The following LPP variants were observed in gnomAD, a reference collection of about 807,000 sequenced individuals.
The protein encoded by LPP is lipoma-preferred partner.
In LPP, 38 loss-of-function variants were observed where a neutral mutation model predicts 60.4. The ratio of observed to expected loss-of-function variants is 0.63; its 90% CI spans 0.49 to 0.83. The LOEUF is 0.83. LPP is among the 40% of genes least tolerant of loss of function. LPP has a pLI of 0.00. For missense variants in LPP, 902 were observed against 783.6 expected, an observed-to-expected ratio of 1.15 and a Z score of -1.80; for synonymous variants, 328 against 290.8, an observed-to-expected ratio of 1.13 and a Z score of -1.30.
chr3:188,387,232 T>C (rs1240398061), intron 3 of LPP, among the ~76,000 whole-genome samples: 1 of 151,998 alleles, frequency 6.6e-6, no homozygotes, highest in Non-Finnish European at 1.5e-5. Context: ...AGGTGTAAAA[T>C]AGAGTCACCC....
In LPP at chr3:188,627,727, A is replaced by G. The variant is rs368897511; in HGVS notation, c.1113+17883A>G. Among the ~76,000 whole-genome samples, 18 of 152,278 alleles carry G rather than the reference A, an allele frequency of 1.2e-4. No homozygotes were observed. The East Asian group carries it at 2.5e-3, about 21-fold the overall frequency. ...GAGAGATCACTAAAGCAGAAAACCAACAAAGATATTTGGGACCCAACACTT... is the reference window on the plus strand; with the variant it reads ...GAGAGATCACTAAAGCAGAAAACCAGCAAAGATATTTGGGACCCAACACTT... On this transcript the variant is annotated intron_variant, in intron 7 of 11. Coordinates refer to ENST00000617246, the MANE Select transcript of LPP (RefSeq NM_001375462.1).
chr3:188,399,696 A>T (rs1781792433), intron 3 of LPP, among the ~76,000 whole-genome samples: 1 of 152,196 alleles, frequency 6.6e-6, no homozygotes, highest in Admixed American at 6.5e-5. Context: ...ATACATAAAG[A>T]TCCCCATATG....
At chr3:188,626,003 C>T (rs1846767816) in intron 7 of LPP, among the ~76,000 whole-genome samples, 1 of 152,090 alleles carries the variant, frequency 6.6e-6, no homozygotes. Flanking sequence ...CAATAATGAG[C>T]AGTGAGATTA....
At chr3:188,803,469 G>A (rs1747953421) in intron 9 of LPP, among the ~76,000 whole-genome samples, 1 of 152,058 alleles carries the variant, frequency 6.6e-6, no homozygotes, top group African/African-American at 2.4e-5. Context: ...GTGTTTTATT[G>A]TTTTGAGTTA....
At chr3:188,710,544 CAT>C (rs1403695607) in intron 8 of LPP, 1 of 152,124 alleles carries the variant, frequency 6.6e-6, no homozygotes, top group Non-Finnish European at 1.5e-5. Context: ...TAAAACAAAA[CAT>C]AGAAAATCCA....
In LPP at chr3:188,572,902, G is replaced by T. The variant is rs556502616; in HGVS notation, c.430-36259G>T. 1.3e-5 allele frequency among the ~76,000 whole-genome samples: 2 copies of T among 152,056 alleles called. No individual in the cohort carries two copies. Among genetic ancestry groups the T allele is most frequent in the South Asian group, 2.1e-4 (1 of 4,824 alleles). On this transcript the variant is annotated intron_variant, in intron 6 of 11. Coordinates refer to ENST00000617246, the MANE Select transcript of LPP (RefSeq NM_001375462.1). This position sits in a 1 kb window ranked among gnomAD's most constrained non-coding sequence, Gnocchi z 4.1. ...ATGCCAGAGTAAAAGAGCTCTGAGG[G>T]TCTCAAACTGGCAATTCCACACTTT...
At chr3:188,635,116 G>A (rs1023841133) in intron 7 of LPP, among the ~76,000 whole-genome samples, 8 of 152,038 alleles carry the variant, frequency 5.3e-5, no homozygotes, top group South Asian at 4.2e-4. Flanking sequence ...AACTTTATGG[G>A]CTCCATGTTT....
chr3:188,474,210 C>T (rs1187980498), intron 4 of LPP, among the ~76,000 whole-genome samples: 1 of 152,170 alleles, frequency 6.6e-6, no homozygotes, highest in Non-Finnish European at 1.5e-5. Context: ...CTGAGTATCT[C>T]ATATGTGTTC....
At chr3:188,436,197 T>G (rs927591758) in intron 4 of LPP, among the ~76,000 whole-genome samples, 1 of 152,210 alleles carries the variant, frequency 6.6e-6, no homozygotes, top group African/African-American at 2.4e-5. Flanking sequence ...CTAGTACCAC[T>G]GACTATAGTG....
intron 2 of LPP, among the ~76,000 whole-genome samples, chr3:188,235,456 AATGTTATACATG>A (rs1721558671): frequency 6.6e-6 from 1 of 152,144 alleles, no homozygotes; most frequent in Non-Finnish European, 1.5e-5. Flanking sequence ...GTGGGGATAA[AATGTTATACATG>A]ATGACTTTTA....
chr3:188,750,759 C>G (rs1727816532), intron 8 of LPP, among the ~76,000 whole-genome samples: 1 of 152,144 alleles, frequency 6.6e-6, no homozygotes, highest in African/African-American at 2.4e-5. Flanking sequence ...ATGTTCTTTA[C>G]AAAATGAGTC....
At chr3:188,520,973 C>G (rs1442538997) in intron 5 of LPP, among the ~76,000 whole-genome samples, 1 of 152,040 alleles carries the variant, frequency 6.6e-6, no homozygotes, top group Admixed American at 6.6e-5. Context: ...ATCCTGGTAT[C>G]TACTATAAGG....
chr3:188,384,170 A>C (rs887099633), intron 3 of LPP, among the ~76,000 whole-genome samples: 1 of 152,150 alleles, frequency 6.6e-6, no homozygotes, highest in Non-Finnish European at 1.5e-5. Context: ...TGTTTTATGA[A>C]GTGTAAATTC....
intron 1 of LPP, among the ~76,000 whole-genome samples, chr3:188,157,534 A>C (rs941141382): frequency 6.6e-6 from 1 of 152,172 alleles, no homozygotes; most frequent in African/African-American, 2.4e-5. Flanking sequence ...AGCAGAAAAA[A>C]GACAGGGAGA....
At chr3:188,258,284 TTTCAACACTGGC>T (rs1168460607) in intron 2 of LPP, among the ~76,000 whole-genome samples, 1 of 152,250 alleles carries the variant, frequency 6.6e-6, no homozygotes, top group Non-Finnish European at 1.5e-5. Context: ...TAACAGTGAC[TTTCAACACTGGC>T]TGCGCATTAA....
At chr3:188,162,149 A>T (rs1013180094) in intron 1 of LPP, among the ~76,000 whole-genome samples, 1 of 152,238 alleles carries the variant, frequency 6.6e-6, no homozygotes, top group Admixed American at 6.5e-5. Flanking sequence ...AGTATTTCAT[A>T]GCCTTCATAG....
chr3:188,181,452 C>G (rs1431226312), intron 1 of LPP, among the ~76,000 whole-genome samples: 1 of 151,922 alleles, frequency 6.6e-6, no homozygotes, highest in Admixed American at 6.6e-5. Flanking sequence ...GTGTATCTAT[C>G]TTTCTACCCT....
chr3:188,519,340 C>A (rs938943148), intron 5 of LPP, among the ~76,000 whole-genome samples: 1 of 152,140 alleles, frequency 6.6e-6, no homozygotes, highest in African/African-American at 2.4e-5. Context: ...ATCCAGTCAT[C>A]AAGAAAAACC....
chr3:188,448,371 A>ATCTATCTAAATAGATATTATTTAG (rs1560418180), intron 4 of LPP, among the ~76,000 whole-genome samples: 67 of 150,456 alleles, frequency 4.5e-4, no homozygotes, highest in Admixed American at 1.9e-3. Context: ...AATAGATAAT[A>ATCTATCTAAATAGATATTATTTAG]ATATCTATCT....
Sources: gnomAD v4.1 joint callset for allele counts (sites outside exome capture counted in the v4.1 genomes callset) on GRCh38, gnomAD v4.1.1 for gene constraint, Gnocchi (gnomAD v3.1) non-coding constraint, MANE v1.5 for transcripts, NCBI Gene and HGNC (gene_info 2026-07-23, HGNC 2026-07-21) for gene names.